VSNL1: variants seen among roughly 807,000 people sequenced by gnomAD.
The protein encoded by VSNL1 is visinin-like protein 1.
A neutral mutation model predicts 20.4 loss-of-function variants in VSNL1; 6 were observed. The ratio of observed to expected loss-of-function variants is 0.29; its 90% CI spans 0.16 to 0.58. VSNL1 has a LOEUF of 0.58. VSNL1 is among the 20% of genes least tolerant of loss of function. The probability of loss-of-function intolerance (pLI) is 0.90; values close to 1 mark genes in which losing one functional copy is unlikely to be tolerated. For missense variants in VSNL1, 100 were observed against 234.5 expected, an observed-to-expected ratio of 0.43 and a Z score of 3.75; for synonymous variants, 93 against 86.4, an observed-to-expected ratio of 1.08 and a Z score of -0.42.
At chr2:17,618,939 G>C (rs1209459146) in intron 2 of VSNL1, among the ~76,000 whole-genome samples, 3 of 152,162 alleles carry the variant, frequency 2.0e-5, no homozygotes, top group African/African-American at 7.2e-5. Flanking sequence ...TCCTACTGCT[G>C]CTTGTAATCA....
At chr2:17,626,187 C>T (rs1335768862) in intron 2 of VSNL1, among the ~76,000 whole-genome samples, 1 of 152,172 alleles carries the variant, frequency 6.6e-6, no homozygotes, top group Admixed American at 6.5e-5. Flanking sequence ...CCCCAATATG[C>T]CCCACCTGCA....
intron 1 of VSNL1, among the ~76,000 whole-genome samples, chr2:17,565,898 T>C (rs1663928329): frequency 1.3e-5 from 2 of 152,198 alleles, no homozygotes. Flanking sequence ...TCATGAGATC[T>C]GCTGGTTTTA....
At chr2:17,587,348 A>AACACACACACACACACACAC (rs67537461) in intron 1 of VSNL1, among the ~76,000 whole-genome samples, 10 of 134,574 alleles carry the variant, frequency 7.4e-5, no homozygotes, top group African/African-American at 2.9e-4. Flanking sequence ...GGCTGAGGGC[A>AACACACACACACACACACAC]ACACACACAC....
At chr2:17,589,050 A>T (rs1007191142) in intron 1 of VSNL1, among the ~76,000 whole-genome samples, 29 of 152,200 alleles carry the variant, frequency 1.9e-4, no homozygotes, top group African/African-American at 7.0e-4. Context: ...GGAGATACCT[A>T]AGAGAATGGG....
At chr2:17,551,987 A>G (rs980652072) in intron 1 of VSNL1, among the ~76,000 whole-genome samples, 3 of 150,992 alleles carry the variant, frequency 2.0e-5, no homozygotes, top group Non-Finnish European at 4.4e-5. Flanking sequence ...TCACGAGGTC[A>G]GGAGATCGAG....
At chr2:17,633,147 T>TGA (rs2103414099) in intron 2 of VSNL1, among the ~76,000 whole-genome samples, 1 of 152,116 alleles carries the variant, frequency 6.6e-6, no homozygotes, top group South Asian at 2.1e-4. Context: ...TGGCATCAGG[T>TGA]GAGAGAGCTT....
chr2:17,635,639 CCA>C (rs753728844), intron 2 of VSNL1, among the ~76,000 whole-genome samples: 33 of 152,260 alleles, frequency 2.2e-4, no homozygotes, highest in Admixed American at 8.5e-4. Context: ...AAGGTCTGTG[CCA>C]CAGTTTTCTC....
At chr2:17,605,392 CT>C (rs141040467) in intron 2 of VSNL1, among the ~76,000 whole-genome samples, 8,221 of 152,138 alleles carry the variant, frequency 0.054, 260 homozygotes, top group East Asian at 0.091. Context: ...GTCACCACTG[CT>C]TCTATGTGAA....
At chr2:17,597,813 C>A (rs1664742671) in intron 2 of VSNL1, among the ~76,000 whole-genome samples, 1 of 152,180 alleles carries the variant, frequency 6.6e-6, no homozygotes. Context: ...TTGCCCTGAG[C>A]AAGCTCAGAG....
chr2:17,551,224 C>T (rs1268827768), intron 1 of VSNL1, among the ~76,000 whole-genome samples: 1 of 152,116 alleles, frequency 6.6e-6, no homozygotes, highest in African/African-American at 2.4e-5. Flanking sequence ...CTTCTCTGCC[C>T]CCTCCCTAGA....
intron 1 of VSNL1, among the ~76,000 whole-genome samples, chr2:17,578,577 AG>A (rs1664272892): frequency 6.6e-6 from 1 of 152,178 alleles, no homozygotes; most frequent in African/African-American, 2.4e-5. Flanking sequence ...AGGGTGCCAG[AG>A]GAAGCGGCAC....
chr2:17,592,626 T>TTCTC (rs1483104300), intron 2 of VSNL1, among the ~76,000 whole-genome samples: 2 of 116,760 alleles, frequency 1.7e-5, no homozygotes, highest in African/African-American at 3.3e-5. Context: ...AGAGGGCTTT[T>TTCTC]TCTCTCTCTC....
intron 1 of VSNL1, among the ~76,000 whole-genome samples, chr2:17,584,590 C>G (rs994819476): frequency 1.3e-5 from 2 of 152,128 alleles, no homozygotes; most frequent in African/African-American, 4.8e-5. Context: ...GGCCAAGGCT[C>G]CAGAGCCACT....
rs1157008238 is a variant in VSNL1 at position 17,655,052 on chromosome 2, A to C, written c.379-145A>C. 1.4e-6 allele frequency: 1 copy of C among 722,764 alleles called. No homozygotes were observed. The highest frequency in any genetic ancestry group is 1.8e-5 in the African/African-American group (1 of 55,862). The allele number at this position is 722,764 out of a possible 1,614,324, so 44.8% of individuals were successfully genotyped here. On this transcript the variant is annotated intron_variant, in intron 3 of 3. Coordinates refer to ENST00000295156, the MANE Select transcript of VSNL1 (RefSeq NM_003385.5). This position sits in a 1 kb window ranked among gnomAD's most constrained non-coding sequence, Gnocchi z 5.2. ...GGTATGGGTTGTCACAGAAACTTGCAGCACAAGGAGTGAAACTCCTCTGGG... is the reference window on the plus strand; with the variant it reads ...GGTATGGGTTGTCACAGAAACTTGCCGCACAAGGAGTGAAACTCCTCTGGG...
At chr2:17,563,989 T>A (rs1323519403) in intron 1 of VSNL1, among the ~76,000 whole-genome samples, 1 of 152,106 alleles carries the variant, frequency 6.6e-6, no homozygotes, top group Non-Finnish European at 1.5e-5. Flanking sequence ...TACATGAAGG[T>A]TTTTTCAGAG....
At chr2:17,637,739 C>T (rs1427487712) in intron 2 of VSNL1, among the ~76,000 whole-genome samples, 9 of 152,214 alleles carry the variant, frequency 5.9e-5, no homozygotes, top group Admixed American at 5.2e-4. Context: ...ATGAGATCCC[C>T]AGGAGATCTG....
intron 1 of VSNL1, among the ~76,000 whole-genome samples, chr2:17,568,488 T>G (rs536583326): frequency 5.9e-5 from 9 of 152,332 alleles, no homozygotes; most frequent in Admixed American, 5.2e-4. Flanking sequence ...CCTAGGCTAC[T>G]TAACAAATTT....
chr2:17,622,585 AAAGAAAGAAAG>A (rs1196401050), intron 2 of VSNL1, among the ~76,000 whole-genome samples: 2 of 133,240 alleles, frequency 1.5e-5, no homozygotes, highest in African/African-American at 2.8e-5. Context: ...AGAAAGAAAG[AAAGAAAGAAAG>A]AAAGAAAAGA....
chr2:17,578,856 G>A (rs1386477551), intron 1 of VSNL1, among the ~76,000 whole-genome samples: 2 of 152,222 alleles, frequency 1.3e-5, no homozygotes, highest in Non-Finnish European at 2.9e-5. Flanking sequence ...CAAACACAGG[G>A]ACCTCACAGA....
Sources: gnomAD v4.1 joint callset for allele counts (sites outside exome capture counted in the v4.1 genomes callset) on GRCh38, gnomAD v4.1.1 for gene constraint, Gnocchi (gnomAD v3.1) non-coding constraint, MANE v1.5 for transcripts, NCBI Gene and HGNC (gene_info 2026-07-23, HGNC 2026-07-21) for gene names.